The following CHL1 variants were observed in gnomAD, a reference collection of about 807,000 sequenced individuals.
CHL1 encodes cell adhesion molecule L1 like, also known as neural cell adhesion molecule L1-like protein.
A neutral mutation model predicts 141.9 loss-of-function variants in CHL1; 96 were observed. That is an observed-to-expected ratio of 0.68 (90% confidence interval 0.57 to 0.80). The LOEUF (loss-of-function observed/expected upper bound fraction) is 0.80. CHL1 is among the 30% of genes least tolerant of loss of function. CHL1 has a pLI of 0.00. For missense variants in CHL1, 1,820 were observed against 1,457.2 expected (o/e 1.25, Z -4.05); for synonymous variants, 613 against 502.2 (o/e 1.22, Z -2.95).
chr3:235,782 A>T (rs1042708469), intron 1 of CHL1, among the ~76,000 whole-genome samples: 55 of 152,162 alleles, frequency 3.6e-4, no homozygotes, highest in African/African-American at 1.3e-3. Flanking sequence ...AACTTACAAC[A>T]TTGACATTTT....
intron 5 of CHL1, among the ~76,000 whole-genome samples, chr3:330,749 ACAAAGGG>A (rs1701372915): frequency 6.6e-6 from 1 of 152,176 alleles, no homozygotes; most frequent in Non-Finnish European, 1.5e-5. Flanking sequence ...TCTTTGAGGA[ACAAAGGG>A]CAAACTTCAG....
chr3:322,641 A>G (rs911593098), intron 3 of CHL1, among the ~76,000 whole-genome samples: 37 of 92,986 alleles, frequency 4.0e-4, no homozygotes, highest in South Asian at 2.4e-3. Flanking sequence ...ATATATATAT[A>G]TAAAATATAT....
intron 1 of CHL1, among the ~76,000 whole-genome samples, chr3:212,799 G>T (rs1288066754): frequency 6.6e-6 from 1 of 152,108 alleles, no homozygotes; most frequent in East Asian, 1.9e-4. Flanking sequence ...CACAGTTCCT[G>T]CTGTCTTTTC....
chr3:272,310 G>A (rs1695704656), intron 2 of CHL1, among the ~76,000 whole-genome samples: 1 of 152,042 alleles, frequency 6.6e-6, no homozygotes, highest in South Asian at 2.1e-4. Context: ...TGTGTTTTTT[G>A]TATTCCTGTC....
chr3:289,548 T>G (rs1301779898), intron 2 of CHL1, among the ~76,000 whole-genome samples: 3 of 152,180 alleles, frequency 2.0e-5, no homozygotes, highest in East Asian at 3.8e-4. Flanking sequence ...TAGTAAATAC[T>G]GAACAATTAC....
At chr3:211,351 TC>T (rs1458443774) in intron 1 of CHL1, among the ~76,000 whole-genome samples, 1 of 152,194 alleles carries the variant, frequency 6.6e-6, no homozygotes, top group Non-Finnish European at 1.5e-5. Context: ...TATTCTCACA[TC>T]TTCCTGCAGT....
rs746201917 is a variant in CHL1, at chr3:405,790, A to G, written c.*79A>G. 4.9e-6 allele frequency: 5 copies of G among 1,016,692 alleles called. No homozygotes were observed. The highest frequency in any genetic ancestry group is 2.0e-5 in the Admixed American group (1 of 50,184). 63.0% of individuals were successfully genotyped at this position (1,016,692 alleles called of 1,614,324 possible). On this transcript the variant is annotated 3_prime_UTR_variant, in exon 28 of 28. Coordinates refer to ENST00000256509, the MANE Select transcript of CHL1 (RefSeq NM_006614.4). Reference sequence around the variant, plus strand: ...TGTTCAAAGGAGCAAGAACTTTCATATAGGAATAGAAACATGCTGGCCGAA... The same window carrying G: ...TGTTCAAAGGAGCAAGAACTTTCATGTAGGAATAGAAACATGCTGGCCGAA...
At chr3:242,263 T>A (rs1442146769) in intron 1 of CHL1, among the ~76,000 whole-genome samples, 1 of 152,192 alleles carries the variant, frequency 6.6e-6, no homozygotes, top group African/African-American at 2.4e-5. Flanking sequence ...TTTCCAGAGA[T>A]CATGCACCTA....
intron 19 of CHL1, chr3:384,499 T>TTTAAATATGTA (rs1454527828): frequency 1.2e-4 from 18 of 152,166 alleles, no homozygotes; most frequent in African/African-American, 4.1e-4. Context: ...CCTTTACATA[T>TTTAAATATGTA]CTCGGTTAAA....
At chr3:358,949 G>C (rs974127142) in intron 11 of CHL1, among the ~76,000 whole-genome samples, 1 of 144,720 alleles carries the variant, frequency 6.9e-6, no homozygotes, top group East Asian at 2.0e-4. Flanking sequence ...CCTTCCCACT[G>C]GATTTATATA....
intron 2 of CHL1, among the ~76,000 whole-genome samples, chr3:306,903 C>G (rs1455133466): frequency 3.3e-5 from 5 of 152,116 alleles, no homozygotes; most frequent in Admixed American, 6.6e-5. Context: ...CCTTAAGTGC[C>G]TTTTGATGAG....
Position 239,595 on chromosome 3 carries a change from A to ATATATATATATATATATATATATATAT in CHL1, c.-174-5018_-174-5017insTATATATATATATATATATATATATAT, listed in dbSNP as rs5845955. Among the ~76,000 whole-genome samples, 96 of 146,254 alleles carry ATATATATATATATATATATATATATAT rather than the reference A, an allele frequency of 6.6e-4. 1 individual carries two copies. The highest frequency in any genetic ancestry group is 9.8e-4 in the African/African-American group (39 of 39,936). ...TAATTCATCTAAACAGTATATATAT[A>ATATATATATATATATATATATATATAT]AAATATATATATTTTAAAATTATTT... On this transcript the variant is annotated intron_variant, in intron 1 of 27. Transcript: ENST00000256509.
At chr3:399,712 T>A (rs558842804) in intron 26 of CHL1, among the ~76,000 whole-genome samples, 11 of 152,310 alleles carry the variant, frequency 7.2e-5, no homozygotes, top group Admixed American at 2.0e-4. Context: ...TGTCTATCTG[T>A]AAAATATCAG....
chr3:349,570 T>A (rs1470055903), intron 10 of CHL1, 27 bp downstream of exon 10: 1 of 1,586,816 alleles, frequency 6.3e-7, no homozygotes, highest in Non-Finnish European at 8.6e-7. Flanking sequence ...GGTCTATTTC[T>A]CTGCTTTTCA....
At chr3:220,657 A>C (rs560310746) in intron 1 of CHL1, among the ~76,000 whole-genome samples, 2 of 152,272 alleles carry the variant, frequency 1.3e-5, no homozygotes, top group African/African-American at 4.8e-5. Flanking sequence ...TAGCCACTGC[A>C]CTCCAGCTTG....
At position 401,058 on chromosome 3, in the gene CHL1, T is replaced by C. The variant is rs141709014; in HGVS notation, c.3386-568T>C. Among the ~76,000 whole-genome samples, 433 of 152,088 alleles carry C rather than the reference T, an allele frequency of 2.8e-3. 1 individual carries two copies. Among genetic ancestry groups the C allele is most frequent in the African/African-American group, 0.01 (416 of 41,514 alleles). ...CTGGGACTACAGGTGTATGCTACCA[T>C]GCCTGGCTAATTTCTGTGTTTTTAA... is the stretch of plus-strand genomic sequence containing the variant. On this transcript the variant is annotated intron_variant, in intron 26 of 27. Transcript: ENST00000256509.
intron 1 of CHL1, among the ~76,000 whole-genome samples, chr3:239,997 A>G (rs1574824265): frequency 6.6e-6 from 1 of 152,140 alleles, no homozygotes; most frequent in Non-Finnish European, 1.5e-5. Flanking sequence ...TTGTTGATTG[A>G]TGGACATTTG....
intron 15 of CHL1, among the ~76,000 whole-genome samples, chr3:366,789 G>C (rs1704956143): frequency 6.6e-6 from 1 of 152,036 alleles, no homozygotes; most frequent in Non-Finnish European, 1.5e-5. Flanking sequence ...CAGGTGTCTG[G>C]AAACTGCTGC....
chr3:329,918 A>G (rs768853493), intron 5 of CHL1, among the ~76,000 whole-genome samples: 1 of 152,088 alleles, frequency 6.6e-6, no homozygotes, highest in Non-Finnish European at 1.5e-5. Context: ...ACAAAGAGAA[A>G]TAGACAAATT....
Sources: gnomAD v4.1 joint callset for allele counts (sites outside exome capture counted in the v4.1 genomes callset) on GRCh38, gnomAD v4.1.1 for gene constraint, MANE v1.5 for transcripts, NCBI Gene and HGNC (gene_info 2026-07-23, HGNC 2026-07-21) for gene names.